Variants in NRAP observed in about 807,000 individuals in gnomAD.
NRAP encodes the protein nebulin-related-anchoring protein.
A neutral mutation model predicts 225.9 loss-of-function variants in NRAP; 189 were observed. The observed-to-expected ratio is 0.84, with a 90% CI of 0.74 to 0.94. The LOEUF (loss-of-function observed/expected upper bound fraction) is 0.94, where lower values mean the gene tolerates loss of function less well. Ranked by LOEUF, NRAP falls within the 40% of genes least tolerant of loss-of-function variation. The probability of loss-of-function intolerance (pLI) is 0.00; values close to 1 mark genes in which losing one functional copy is unlikely to be tolerated. For missense variants in NRAP, 2,176 were observed against 2,168.7 expected (o/e 1.00, Z -0.07); for synonymous variants, 769 against 790.7 (o/e 0.97, Z 0.46).
At position 113,641,373 on chromosome 10, in the gene NRAP, C is replaced by T. The variant is rs1849192540; in HGVS notation, c.1315G>A (p.Ala439Thr). 9 of 1,611,380 alleles carry T rather than the reference C, an allele frequency of 5.6e-6. No individual in the cohort carries two copies. Among genetic ancestry groups the T allele is most frequent in the Non-Finnish European group, 6.8e-6 (8 of 1,177,794 alleles). ...TLHAMKVGSL[A>T]SNVAYKADYK... ...GGCATAAAAGGACTCACGTTGCTTGCCAGGCTGCCAACTTTCATAGCATGC... is the reference window on the plus strand; with the variant it reads ...GGCATAAAAGGACTCACGTTGCTTGTCAGGCTGCCAACTTTCATAGCATGC... Residue 439 changes from alanine to threonine, a missense_variant, in exon 13 of 42, where the codon GCA becomes ACA. Ala to Thr is a moderately conservative substitution (Grantham distance 58, BLOSUM62 0). Transcript: ENST00000359988.
rs768948579 is a variant in NRAP at position 113,634,114 on chromosome 10, G to T, written c.1525C>A (p.His509Asn). The T allele has an allele frequency of 6.2e-7, 1 of 1,609,652 alleles. No individual in the cohort carries two copies. The highest frequency in any genetic ancestry group is 1.1e-5 in the South Asian group (1 of 90,930). Residue 509 changes from histidine (H) to asparagine (N), a missense_variant and splice_region_variant, in exon 15 of 42, where the codon CAT becomes AAT. Physicochemically the swap from His to Asn is moderately conservative, Grantham distance 68. Around this residue, in one of 3 missense-constraint regions of NRAP, gnomAD observed 1,708 missense variants for 1,695.5 expected, o/e 1.01. Transcript: ENST00000359988. ...QAKINAQQLSHVNYRADYEKN... is the reference protein window; with the variant it reads ...QAKINAQQLSNVNYRADYEKN... ...GCTGGGCAGGGACAGTTACTTACAT[G>T]ACTCAGCTGCTGGGCATTGATTTTG...
At chr10:113,640,381 T>G (rs1849133218) in intron 13 of NRAP, 50 bp from the exon 14 acceptor site, 1 of 1,131,254 alleles carries the variant, frequency 8.8e-7, no homozygotes, top group Admixed American at 2.4e-5. Flanking sequence ...TTCTACTTTC[T>G]TTTGGCTTTG....
At position 113,595,612 on chromosome 10, in the gene NRAP, A is replaced by T. The variant is rs1020660729; in HGVS notation, c.4536+11T>A. The stretch of plus-strand genomic sequence containing the variant: ...GTGGGCACACGTTCCATGAACCACC[A>T]GTTCACTTACGTCACTCAGATGCAG... On this transcript the variant is annotated intron_variant, in intron 38 of 41. Coordinates refer to ENST00000359988, the MANE Select transcript of NRAP (RefSeq NM_198060.4). 6.5e-7 allele frequency: 1 copy of T among 1,544,264 alleles called. No individual in the cohort carries two copies. Among genetic ancestry groups the T allele is most frequent in the Non-Finnish European group, 9.0e-7 (1 of 1,116,428 alleles).
chr10:113,598,022 G>A lies in NRAP; in HGVS notation c.4279C>T (p.Leu1427=), dbSNP rs1207318075. ...GCACTCTCCATCTGTGGGGATCTCA[G>A]CGCCAGCCATCCTATGCCCTTCATG... ...IGMKGIGWLA[L]RSPQMESAKK... The change falls in exon 36 of 42, where the codon CTG becomes TTG. Residue 1427 remains leucine (L), a synonymous_variant. Coordinates refer to ENST00000359988, the MANE Select transcript of NRAP (RefSeq NM_198060.4). 6.2e-7 allele frequency: 1 copy of A among 1,613,928 alleles called. No homozygotes were observed. Among genetic ancestry groups the A allele is most frequent in the Non-Finnish European group, 8.5e-7 (1 of 1,179,994 alleles).
intron 25 of NRAP, among the ~76,000 whole-genome samples, chr10:113,620,078 C>T (rs544237287): frequency 4.6e-5 from 7 of 152,230 alleles, no homozygotes; most frequent in East Asian, 3.9e-4. Context: ...TACGAAGAAA[C>T]GACTCTTTTC....
chr10:113,643,453 C>T (rs900436665), intron 11 of NRAP, among the ~76,000 whole-genome samples: 5 of 152,118 alleles, frequency 3.3e-5, no homozygotes, highest in Admixed American at 1.3e-4. Context: ...ACAGGTGTGT[C>T]CCACTTAAGG....
chr10:113,613,805 G>T (rs886462401), intron 29 of NRAP, among the ~76,000 whole-genome samples: 2 of 152,076 alleles, frequency 1.3e-5, no homozygotes, highest in Admixed American at 1.3e-4. Context: ...CCAGCTTCTG[G>T]CCAGAAGCTT....
In NRAP at chr10:113,595,720, T is replaced by C. The variant is rs368150420; in HGVS notation, c.4439A>G (p.Tyr1480Cys). The change falls in exon 38 of 42, where the codon TAT becomes TGT. Residue 1480 changes from tyrosine to cysteine, a missense_variant. Physicochemically the swap from Tyr to Cys is radical, Grantham distance 194. Coordinates refer to ENST00000359988, the MANE Select transcript of NRAP (RefSeq NM_198060.4). Reference protein sequence around the residue: ...NSYMHCNERMYRSGDAESLHR... With the variant: ...NSYMHCNERMCRSGDAESLHR... ...CAGGGATTCTGCATCTCCAGATCTA[T>C]ACATGCGCTGTAGATAAGATGGGCT... 2.6e-5 allele frequency: 41 copies of C among 1,605,768 alleles called. No homozygotes were observed. In the East Asian group the frequency reaches 4.0e-4, roughly 16 times the overall value.
chr10:113,589,593 T>A, intron 41 of NRAP, 73 bp downstream of exon 41: 2 of 1,545,036 alleles, frequency 1.3e-6, no homozygotes, highest in Non-Finnish European at 1.7e-6. Context: ...AAATAAACTT[T>A]GAAAAGAAAC....
intron 20 of NRAP, among the ~76,000 whole-genome samples, chr10:113,628,378 C>T (rs140521591): frequency 0.015 from 2,346 of 151,998 alleles, 60 homozygotes; most frequent in African/African-American, 0.053. Context: ...TTAGTAGAGA[C>T]GGGGTTTCAC....
chr10:113,654,703 G>T (rs955066286), intron 4 of NRAP, among the ~76,000 whole-genome samples: 3 of 152,154 alleles, frequency 2.0e-5, no homozygotes, highest in Non-Finnish European at 4.4e-5. Context: ...TATGGGGCAG[G>T]AAGATAGAAT....
intron 39 of NRAP, 90 bp from the exon 40 acceptor site, chr10:113,590,979 C>T: frequency 8.6e-7 from 1 of 1,165,492 alleles, no homozygotes; most frequent in South Asian, 1.4e-5. Flanking sequence ...GCATTCTCAG[C>T]AGGAGGCTCA....
chr10:113,662,754 CT>C lies in NRAP; in HGVS notation c.179del (p.Lys60ArgfsTer13). 6.3e-7 allele frequency: 1 copy of C among 1,589,222 alleles called. No homozygotes were observed. The highest frequency in any genetic ancestry group is 8.6e-7 in the Non-Finnish European group (1 of 1,158,356). ...KKPYCHAHNP[K>X]NNTFTSVYHT... ...GATAGACACTGGTGAAAGTGTTGTTCTTAGGGTTATGGCTACAACAAATAGG... is the reference window on the plus strand; with the variant it reads ...GATAGACACTGGTGAAAGTGTTGTTCTAGGGTTATGGCTACAACAAATAGG... On this transcript the variant is annotated frameshift_variant, in exon 3 of 42. Coordinates refer to ENST00000359988, the MANE Select transcript of NRAP (RefSeq NM_198060.4). LOFTEE classifies it high-confidence loss of function.
Position 113,629,690 on chromosome 10 carries a change from G to C in NRAP, c.1938C>G (p.Leu646=). Residue 646 remains leucine (L), a synonymous_variant, in exon 19 of 42, where the codon CTC becomes CTG. Coordinates refer to ENST00000359988, the MANE Select transcript of NRAP (RefSeq NM_198060.4). ...TCTTCCTGTAGTCCAGGTCACTGGCGAGAGTTTGGGCCTTCTTAGCATGCC... is the reference window on the plus strand; with the variant it reads ...TCTTCCTGTAGTCCAGGTCACTGGCCAGAGTTTGGGCCTTCTTAGCATGCC... The part of the protein sequence containing the change: ...NIRHAKKAQT[L]ASDLDYRKKL... 6.2e-7 allele frequency: 1 copy of C among 1,613,716 alleles called. No individual in the cohort carries two copies. The highest frequency in any genetic ancestry group is 8.5e-7 in the Non-Finnish European group (1 of 1,179,606).
intron 31 of NRAP, among the ~76,000 whole-genome samples, 170 bp downstream of exon 31, chr10:113,610,289 G>T (rs1475410614): frequency 1.3e-5 from 2 of 150,894 alleles, no homozygotes; most frequent in Admixed American, 1.3e-4. Context: ...GACGGAGGTT[G>T]CAGTGAGCAG....
chr10:113,607,976 C>T (rs1396882598), intron 32 of NRAP, among the ~76,000 whole-genome samples: 5 of 152,178 alleles, frequency 3.3e-5, no homozygotes, highest in African/African-American at 9.7e-5. Context: ...TTTAACTGTC[C>T]TTGGATAACC....
Position 113,657,467 on chromosome 10 carries a change from C to T in NRAP, c.360+3G>A, listed in dbSNP as rs909906680. 6.8e-7 allele frequency: 1 copy of T among 1,480,274 alleles called. No homozygotes were observed. Among genetic ancestry groups the T allele is most frequent in the Non-Finnish European group, 9.4e-7 (1 of 1,058,782 alleles). The allele number at this position is 1,480,274 out of a possible 1,614,324, so 91.7% of individuals were successfully genotyped here. On this transcript the variant is annotated splice_donor_region_variant and intron_variant, in intron 4 of 41. Transcript: ENST00000359988. ...CCAAACCCACTTGTCACTTTTCTCT[C>T]ACCTCATTTGCCAGTGGCTGCCTGT...
intron 36 of NRAP, 81 bp downstream of exon 36, chr10:113,597,888 C>G: frequency 9.6e-7 from 1 of 1,041,540 alleles, no homozygotes. Context: ...TTTGGGTTCT[C>G]CACTCCATAA....
intron 35 of NRAP, among the ~76,000 whole-genome samples, chr10:113,601,309 G>A (rs527501340): frequency 2.0e-5 from 3 of 152,384 alleles, no homozygotes; most frequent in Admixed American, 6.5e-5. Context: ...AAAGTCAGGA[G>A]AAGCAGCTGA....
Sources: gnomAD v4.1 joint callset for allele counts (sites outside exome capture counted in the v4.1 genomes callset) on GRCh38, gnomAD v4.1.1 for gene constraint, gnomAD v4.1.1 regional missense constraint, MANE v1.5 for transcripts, NCBI Gene and HGNC (gene_info 2026-07-23, HGNC 2026-07-21) for gene names.